The following DECR2 variants were observed in gnomAD, a reference collection of about 807,000 sequenced individuals.
DECR2 encodes the protein 2,4-dienoyl-CoA reductase 2, also known as peroxisomal 2,4-dienoyl-CoA reductase [(3E)-enoyl-CoA-producing].
A neutral mutation model predicts 29.2 loss-of-function variants in DECR2; 34 were observed. The ratio of observed to expected loss-of-function variants is 1.16; its 90% confidence interval spans 0.89 to 1.55. The LOEUF is 1.55. Among genes scored for constraint, DECR2 ranks in the 40% most tolerant of loss-of-function variants. DECR2 has a pLI of 0.00. For synonymous variants in DECR2, 224 were observed against 182.7 expected (o/e 1.23, Z -1.82); for missense variants, 485 against 425.3 (o/e 1.14, Z -1.23).
intron 1 of DECR2, 67 bp downstream of exon 1, chr16:402,110 C>A: frequency 7.9e-7 from 1 of 1,267,120 alleles, no homozygotes; most frequent in Non-Finnish European, 1.0e-6. Flanking sequence ...CCGGCGCCCC[C>A]ACGTGGTCCC....
chr16:411,042 C>A lies in DECR2; in HGVS notation c.627C>A (p.Gly209=). Reference sequence around the variant, plus strand: ...TCCGCGTCAACAGCCTCGCCCCTGGCCCCATCAGTGGCACAGAGGGGCTCC... The same window carrying A: ...TCCGCGTCAACAGCCTCGCCCCTGGACCCATCAGTGGCACAGAGGGGCTCC... ...QNIRVNSLAP[G]PISGTEGLRR... is the part of the protein sequence containing the mutation. Residue 209 remains glycine (G), a synonymous_variant, in exon 7 of 9, where the codon GGC becomes GGA. Transcript: ENST00000219481. 1.3e-6 allele frequency: 2 copies of A among 1,584,720 alleles called. No individual in the cohort carries two copies. Among genetic ancestry groups the A allele is most frequent in the Non-Finnish European group, 1.7e-6 (2 of 1,167,742 alleles).
intron 1 of DECR2, among the ~76,000 whole-genome samples, chr16:403,307 G>A (rs184461020): frequency 4.6e-5 from 7 of 152,220 alleles, no homozygotes; most frequent in East Asian, 3.9e-4. Flanking sequence ...GGAGTGAGAC[G>A]CTGCACCTGG....
chr16:411,005 G>T lies in DECR2; in HGVS notation c.590G>T (p.Gly197Val). 1 of 1,604,306 alleles carries T rather than the reference G, an allele frequency of 6.2e-7. No individual in the cohort carries two copies. Among genetic ancestry groups the T allele is most frequent in the African/African-American group, 1.3e-5 (1 of 74,870 alleles). Residue 197 changes from glycine (G) to valine (V), a missense_variant, in exon 7 of 9, where the codon GGT (glycine) becomes GTT (valine). Coordinates refer to ENST00000219481, the MANE Select transcript of DECR2 (RefSeq NM_020664.4). ...AMTRHLAVEW[G>V]PQNIRVNSLA... ...ACGCGGCACTTGGCTGTGGAGTGGG[G>T]TCCCCAAAACATCCGCGTCAACAGC...
intron 1 of DECR2, 142 bp from the exon 2 acceptor site, chr16:404,814 G>C (rs1468967576): frequency 1.4e-6 from 1 of 732,248 alleles, no homozygotes; most frequent in Non-Finnish European, 2.3e-6. Flanking sequence ...ATTTTTAGTA[G>C]AGACGAGGTT....
At chr16:407,194 G>T (rs781091363) in intron 3 of DECR2, 29 of 1,353,142 alleles carry the variant, frequency 2.1e-5, no homozygotes, top group Non-Finnish European at 2.8e-5. Flanking sequence ...GGAGGGCGAC[G>T]CAGAGGGAGG....
At position 411,897 on chromosome 16, in the gene DECR2, C is replaced by G; in HGVS notation, c.*8C>G. Reference sequence around the variant, plus strand: ...GTTCTGAAACTCCTGCAGGAATCTTCCGGCCGCTGCTTCCTGCCGCCTCAC... The same window carrying G: ...GTTCTGAAACTCCTGCAGGAATCTTGCGGCCGCTGCTTCCTGCCGCCTCAC... On this transcript the variant is annotated 3_prime_UTR_variant, in exon 9 of 9. Coordinates refer to ENST00000219481, the MANE Select transcript of DECR2 (RefSeq NM_020664.4). 5.8e-6 allele frequency: 2 copies of G among 343,576 alleles called. No homozygotes were observed. The highest frequency in any genetic ancestry group is 1.1e-5 in the Non-Finnish European group (2 of 188,666). The allele number at this position is 343,576 out of a possible 1,614,324, so 21.3% of individuals were successfully genotyped here. A position where few individuals can be genotyped will look rare whatever the true frequency, so the allele number is the denominator to read the frequency against.
rs188755452 is a variant in DECR2, at chr16:406,417, G to A, written c.201+20G>A. 3.4e-4 allele frequency: 546 copies of A among 1,605,964 alleles called. 2 individuals carry two copies. The highest frequency in any genetic ancestry group is 6.7e-4 in the Admixed American group (40 of 60,010). ...CTGACGGTGAGAGGGCCTCTCCCAT[G>A]GTCCCCTGTTCGGGTGGCTGTGGGG... On this transcript the variant is annotated intron_variant, in intron 3 of 8. Transcript: ENST00000219481.
At chr16:403,556 A>G (rs2054691847) in intron 1 of DECR2, among the ~76,000 whole-genome samples, 4 of 152,188 alleles carry the variant, frequency 2.6e-5, no homozygotes, top group African/African-American at 9.7e-5. Flanking sequence ...TATAACCTCT[A>G]TCTTGTTTAA....
chr16:406,181 C>T (rs767139187), intron 2 of DECR2, among the ~76,000 whole-genome samples, 165 bp from the exon 3 acceptor site: 1 of 152,218 alleles, frequency 6.6e-6, no homozygotes, highest in Non-Finnish European at 1.5e-5. Flanking sequence ...ACCTGAGGTC[C>T]CTCCAGAGTA....
rs2054791951 is a variant in DECR2 at position 410,050 on chromosome 16, G to A, written c.338-193G>A. ...GGGCTTCAGCATGTCTTCTCTTCTCGGGGACACAGTGCAGCCAGGACGCCC... is the reference window on the plus strand; with the variant it reads ...GGGCTTCAGCATGTCTTCTCTTCTCAGGGACACAGTGCAGCCAGGACGCCC... On this transcript the variant is annotated intron_variant, in intron 4 of 8. Transcript: ENST00000219481. The surrounding 1 kb of genome is among the most constrained non-coding windows in gnomAD (Gnocchi z 4.1). The A allele has an allele frequency of 7.1e-6, 5 of 706,682 alleles. No homozygotes were observed. Among genetic ancestry groups the A allele is most frequent in the South Asian group, 2.2e-5 (1 of 46,368 alleles). The allele number at this position is 706,682 out of a possible 1,614,324, so 43.8% of individuals were successfully genotyped here. A position where few individuals can be genotyped will look rare whatever the true frequency, so the allele number is the denominator to read the frequency against.
chr16:403,248 GACCTCAGATGATCCACCT>G (rs1169994717), intron 1 of DECR2, among the ~76,000 whole-genome samples: 1 of 151,890 alleles, frequency 6.6e-6, no homozygotes, highest in African/African-American at 2.4e-5. Context: ...TGGAACTCCT[GACCTCAGATGATCCACCT>G]GCCTCGGCCT....
intron 7 of DECR2, 100 bp from the exon 8 acceptor site, chr16:411,261 C>T (rs956213936): frequency 3.8e-6 from 5 of 1,306,436 alleles, no homozygotes; most frequent in Admixed American, 2.2e-5. Flanking sequence ...CTGACTGTGT[C>T]CTTGCTGTTC....
Position 406,338 on chromosome 16 carries a change from T to A in DECR2, c.150-8T>A. 6.2e-7 allele frequency: 1 copy of A among 1,606,412 alleles called. No individual in the cohort carries two copies. The highest frequency in any genetic ancestry group is 8.5e-7 in the Non-Finnish European group (1 of 1,179,852). ...ACACTGCCCTCACACCTGCTTCTGG[T>A]TTTGCAGGCACGGCTGCCATACGGT... is the stretch of plus-strand genomic sequence containing the variant. On this transcript the variant is annotated splice_polypyrimidine_tract_variant and splice_region_variant and intron_variant, in intron 2 of 8. Coordinates refer to ENST00000219481, the MANE Select transcript of DECR2 (RefSeq NM_020664.4).
chr16:410,065 C>A lies in DECR2; in HGVS notation c.338-178C>A. ...TTCTCTTCTCGGGGACACAGTGCAG[C>A]CAGGACGCCCGTCTTGCTCTGGTCA... On this transcript the variant is annotated intron_variant, in intron 4 of 8. Transcript: ENST00000219481. This position sits in a 1 kb window ranked among gnomAD's most constrained non-coding sequence, Gnocchi z 4.1. 1 of 841,812 alleles carries A rather than the reference C, an allele frequency of 1.2e-6. No homozygotes were observed. Among genetic ancestry groups the A allele is most frequent in the Non-Finnish European group, 1.8e-6 (1 of 561,082 alleles). 52.1% of individuals were successfully genotyped at this position (841,812 alleles called of 1,614,324 possible).
intron 4 of DECR2, among the ~76,000 whole-genome samples, chr16:407,954 CA>C (rs1567340645): frequency 8.6e-4 from 53 of 61,424 alleles, no homozygotes; most frequent in Non-Finnish European, 1.4e-3. Flanking sequence ...CCCCTGTCTC[CA>C]GGCCTCTGTC....
intron 3 of DECR2, 113 bp downstream of exon 3, chr16:406,510 T>C (rs746311140): frequency 4.5e-6 from 5 of 1,117,264 alleles, no homozygotes; most frequent in Non-Finnish European, 6.4e-6. Flanking sequence ...AAACTTTTTT[T>C]TTCTGAGACG....
At chr16:408,335 C>T (rs2054768393) in intron 4 of DECR2, among the ~76,000 whole-genome samples, 2 of 151,908 alleles carry the variant, frequency 1.3e-5, no homozygotes, top group African/African-American at 4.8e-5. Context: ...GTCTCTGGCC[C>T]TCTGTCTCCA....
chr16:406,519 C>T (rs956311322), intron 3 of DECR2, 122 bp downstream of exon 3: 13 of 956,430 alleles, frequency 1.4e-5, no homozygotes, highest in Middle Eastern at 3.0e-4. Flanking sequence ...TTTTCTGAGA[C>T]GGGAGTCTCG....
Position 411,900 on chromosome 16 carries a change from G to C in DECR2, c.*11G>C. ...CTGAAACTCCTGCAGGAATCTTCCG[G>C]CCGCTGCTTCCTGCCGCCTCACTCA... is the stretch of plus-strand genomic sequence containing the variant. On this transcript the variant is annotated 3_prime_UTR_variant, in exon 9 of 9. Transcript: ENST00000219481. The C allele has an allele frequency of 2.9e-6, 1 of 339,202 alleles. No homozygotes were observed. Among genetic ancestry groups the C allele is most frequent in the Non-Finnish European group, 5.4e-6 (1 of 186,016 alleles). 21.0% of individuals were successfully genotyped at this position (339,202 alleles called of 1,614,324 possible).
Sources: allele counts gnomAD v4.1 joint callset (sites outside exome capture counted in the v4.1 genomes callset), GRCh38; gene constraint gnomAD v4.1.1; non-coding constraint Gnocchi (gnomAD v3.1); transcripts MANE v1.5; gene names NCBI Gene and HGNC (gene_info 2026-07-23, HGNC 2026-07-21).